Variants in ATG10 observed in about 807,000 individuals in gnomAD.
ATG10 encodes autophagy related 10.
A neutral mutation model predicts 32.1 loss-of-function variants in ATG10; 30 were observed. That is an observed-to-expected ratio of 0.94 (90% CI 0.70 to 1.27). ATG10 has a LOEUF of 1.27. ATG10 is among the 50% of genes most tolerant of loss of function. ATG10 has a pLI of 0.00. For missense variants in ATG10, 233 were observed against 262.3 expected (o/e 0.89, Z 0.77); for synonymous variants, 87 against 91.5 (o/e 0.95, Z 0.28).
chr5:82,208,637 T>A (rs1044085395), intron 5 of ATG10, among the ~76,000 whole-genome samples: 2 of 152,202 alleles, frequency 1.3e-5, no homozygotes, highest in African/African-American at 4.8e-5. Context: ...ATTTTAAGTG[T>A]GAGGTTTGCA....
At chr5:82,204,687 T>C (rs923372389) in intron 5 of ATG10, among the ~76,000 whole-genome samples, 1 of 152,152 alleles carries the variant, frequency 6.6e-6, no homozygotes, top group African/African-American at 2.4e-5. Flanking sequence ...TAAAGAATGA[T>C]ACTAGAGATA....
chr5:82,164,632 AGAGTTAAAAATGAGAAAACT>A (rs1743506887), intron 4 of ATG10, 95 bp downstream of exon 4: 2 of 1,263,554 alleles, frequency 1.6e-6, no homozygotes, highest in Non-Finnish European at 2.2e-6. Flanking sequence ...GAAAAAAAAT[AGAGTTAAAAATGAGAAAACT>A]GTGGGTGAGG....
chr5:82,089,439 C>G (rs548282482), intron 3 of ATG10, among the ~76,000 whole-genome samples: 1 of 151,766 alleles, frequency 6.6e-6, no homozygotes, highest in Non-Finnish European at 1.5e-5. Flanking sequence ...ATAAATGTGT[C>G]CAAATGATTT....
At chr5:82,225,745 T>C (rs994117724) in intron 5 of ATG10, among the ~76,000 whole-genome samples, 1 of 152,088 alleles carries the variant, frequency 6.6e-6, no homozygotes, top group Admixed American at 6.5e-5. Flanking sequence ...GGGTGATGGA[T>C]GGCTCTCTGG....
chr5:82,176,220 C>G (rs1281903575), intron 4 of ATG10, among the ~76,000 whole-genome samples: 1 of 152,124 alleles, frequency 6.6e-6, no homozygotes, highest in Admixed American at 6.5e-5. Context: ...ATCATTTGCT[C>G]AGTAAATATT....
chr5:81,979,487 C>T (rs1033882291), intron 1 of ATG10, among the ~76,000 whole-genome samples: 18 of 152,012 alleles, frequency 1.2e-4, no homozygotes, highest in Admixed American at 9.2e-4. Flanking sequence ...GAGATAGCAC[C>T]GCTGCACTCC....
At chr5:82,067,851 A>G (rs1357714110) in intron 3 of ATG10, among the ~76,000 whole-genome samples, 1 of 152,210 alleles carries the variant, frequency 6.6e-6, no homozygotes, top group South Asian at 2.1e-4. Flanking sequence ...AAGTTATATC[A>G]GAAAGTTTTC....
chr5:82,001,658 G>T (rs1000653464), intron 2 of ATG10, among the ~76,000 whole-genome samples: 1 of 152,166 alleles, frequency 6.6e-6, no homozygotes, highest in Non-Finnish European at 1.5e-5. Flanking sequence ...ATCGATTAAA[G>T]ACTTAAAAGC....
At chr5:82,116,826 A>G (rs949957682) in intron 3 of ATG10, among the ~76,000 whole-genome samples, 1 of 152,120 alleles carries the variant, frequency 6.6e-6, no homozygotes, top group Non-Finnish European at 1.5e-5. Flanking sequence ...GTAAAACATC[A>G]TATGGGTATT....
At chr5:81,995,300 T>G (rs1045150531) in intron 2 of ATG10, among the ~76,000 whole-genome samples, 1 of 151,992 alleles carries the variant, frequency 6.6e-6, no homozygotes, top group Non-Finnish European at 1.5e-5. Context: ...CTGGCTAACT[T>G]TTGCATTATT....
intron 2 of ATG10, among the ~76,000 whole-genome samples, chr5:82,030,864 G>A (rs1399462973): frequency 6.6e-6 from 1 of 152,018 alleles, no homozygotes; most frequent in Non-Finnish European, 1.5e-5. Context: ...TCCTGTTTTT[G>A]TGTAGTTGGA....
rs1362149524 is a variant in ATG10, at chr5:82,164,497, C to T, written c.315C>T (p.Ser105=). 1.2e-6 allele frequency: 2 copies of T among 1,613,558 alleles called. No individual in the cohort carries two copies. Among genetic ancestry groups the T allele is most frequent in the South Asian group, 2.2e-5 (2 of 91,068 alleles). The part of the protein sequence containing the change: ...KYEYHVLYSC[S]YQVPVLYFRA... ...AGTATCATGTCTTATATTCCTGTAG[C>T]TACCAAGTGCCTGTACTTTACTTTA... Residue 105 remains serine, a synonymous_variant, in exon 4 of 8, where the codon AGC becomes AGT. Coordinates refer to ENST00000282185, the MANE Select transcript of ATG10 (RefSeq NM_031482.5).
At chr5:82,004,978 A>G (rs1185280010) in intron 2 of ATG10, among the ~76,000 whole-genome samples, 1 of 152,328 alleles carries the variant, frequency 6.6e-6, no homozygotes, top group Non-Finnish European at 1.5e-5. Flanking sequence ...TAATATTTGA[A>G]CTTATCTGGA....
chr5:82,013,123 G>A (rs1400571447), intron 2 of ATG10, among the ~76,000 whole-genome samples: 11 of 151,952 alleles, frequency 7.2e-5, no homozygotes, highest in South Asian at 2.1e-4. Flanking sequence ...CACCACGCCC[G>A]GCCAATTTTT....
chr5:82,123,925 G>A (rs961745071), intron 3 of ATG10, among the ~76,000 whole-genome samples: 1 of 152,032 alleles, frequency 6.6e-6, no homozygotes, highest in Non-Finnish European at 1.5e-5. Context: ...GACAGAGCAA[G>A]ACCCTGTTTC....
At chr5:81,974,744 T>C (rs1760820704) in intron 1 of ATG10, among the ~76,000 whole-genome samples, 1 of 152,140 alleles carries the variant, frequency 6.6e-6, no homozygotes, top group Non-Finnish European at 1.5e-5. Context: ...GCCTCCTGAG[T>C]AGTGAGGACT....
intron 3 of ATG10, among the ~76,000 whole-genome samples, chr5:82,156,489 C>A (rs747513757): frequency 3.9e-5 from 6 of 152,022 alleles, no homozygotes; most frequent in Non-Finnish European, 8.8e-5. Flanking sequence ...GGACTTGGAG[C>A]CTGAAGGCTT....
chr5:82,223,788 AGTTT>A (rs1178220945), intron 5 of ATG10, among the ~76,000 whole-genome samples: 1 of 152,140 alleles, frequency 6.6e-6, no homozygotes, highest in African/African-American at 2.4e-5. Flanking sequence ...TTAAGTAGAG[AGTTT>A]GTTTATTATG....
At chr5:82,139,299 G>T (rs200236538) in intron 3 of ATG10, among the ~76,000 whole-genome samples, 1 of 150,422 alleles carries the variant, frequency 6.6e-6, no homozygotes, top group Non-Finnish European at 1.5e-5. Flanking sequence ...CTGCCTGGCC[G>T]CCCATTGTCT....
Sources: gnomAD v4.1 joint callset for allele counts (sites outside exome capture counted in the v4.1 genomes callset) on GRCh38, gnomAD v4.1.1 for gene constraint, MANE v1.5 for transcripts, NCBI Gene and HGNC (gene_info 2026-07-23, HGNC 2026-07-21) for gene names.